OSBPL5: variants seen among roughly 807,000 people sequenced by gnomAD.
The protein encoded by OSBPL5 is oxysterol-binding protein-related protein 5.
Under a neutral mutation model 111.2 loss-of-function variants are expected in OSBPL5, and 71 were observed. The observed-to-expected ratio is 0.64, with a 90% CI of 0.53 to 0.78. The LOEUF is 0.78. Among genes scored for constraint, OSBPL5 ranks in the 30% least tolerant of loss-of-function variants. The pLI is 0.00. For synonymous variants in OSBPL5, 549 were observed against 513.9 expected, an observed-to-expected ratio of 1.07 and a Z score of -0.93; for missense variants, 1,210 against 1,189.3, an observed-to-expected ratio of 1.02 and a Z score of -0.26.
intron 7 of OSBPL5, among the ~76,000 whole-genome samples, chr11:3,111,681 C>A (rs1344890610): frequency 6.6e-6 from 1 of 152,090 alleles, no homozygotes; most frequent in Non-Finnish European, 1.5e-5. Context: ...CCCTCCCCAC[C>A]CCCACACACA....
chr11:3,115,318 A>T (rs1422520431), intron 7 of OSBPL5, among the ~76,000 whole-genome samples: 1 of 152,182 alleles, frequency 6.6e-6, no homozygotes. Context: ...AATCAAGGTT[A>T]TTCCGTCCTT....
intron 1 of OSBPL5, among the ~76,000 whole-genome samples, chr11:3,157,680 C>T (rs979584864): frequency 2.6e-5 from 4 of 152,240 alleles, no homozygotes; most frequent in African/African-American, 9.6e-5. Context: ...AAGGCGGCCC[C>T]GCCCTCGGCC....
intron 1 of OSBPL5, among the ~76,000 whole-genome samples, chr11:3,156,523 C>G (rs1846762862): frequency 6.6e-6 from 1 of 151,988 alleles, no homozygotes; most frequent in African/African-American, 2.4e-5. Flanking sequence ...AGCCTGGAAA[C>G]CCAGGATGGC....
Position 3,126,618 on chromosome 11 carries a change from C to CT in OSBPL5, c.137-64dup. 1 of 1,449,938 alleles carries CT rather than the reference C, an allele frequency of 6.9e-7. No homozygotes were observed. Among genetic ancestry groups the CT allele is most frequent in the East Asian group, 2.4e-5 (1 of 41,286 alleles). The allele number at this position is 1,449,938 out of a possible 1,614,324, so 89.8% of individuals were successfully genotyped here. ...TGGCGTGGCCAGGCTTCTCAGGCCGCTGCCTGGTGTGAGGCAGGCGAAGCG... is the reference window on the plus strand; with the variant it reads ...TGGCGTGGCCAGGCTTCTCAGGCCGCTTGCCTGGTGTGAGGCAGGCGAAGCG... On this transcript the variant is annotated intron_variant, in intron 2 of 21. Coordinates refer to ENST00000263650, the MANE Select transcript of OSBPL5 (RefSeq NM_020896.4). This position sits in a 1 kb window ranked among gnomAD's most constrained non-coding sequence, Gnocchi z 6.5.
chr11:3,111,673 C>G (rs963735004), intron 7 of OSBPL5, among the ~76,000 whole-genome samples: 4 of 151,958 alleles, frequency 2.6e-5, no homozygotes, highest in African/African-American at 9.7e-5. Flanking sequence ...CTGAATTCCC[C>G]TCCCCACCCC....
rs922792354 is a variant in OSBPL5, at chr11:3,094,401, A to ACCGACCCAGCAGCACCGATCCCTGAGTC, written c.1622-95_1622-68dup. ...TGCTGAGCCCCAGGCCCTGCTGAGT[A>ACCGACCCAGCAGCACCGATCCCTGAGTC]CCGACCCAGCAGCACCGATCCCTGA... On this transcript the variant is annotated intron_variant, in intron 14 of 21. Coordinates refer to ENST00000263650, the MANE Select transcript of OSBPL5 (RefSeq NM_020896.4). 5.4e-3 allele frequency: 7,029 copies of ACCGACCCAGCAGCACCGATCCCTGAGTC among 1,292,794 alleles called. 554 individuals are homozygous for ACCGACCCAGCAGCACCGATCCCTGAGTC. The African/African-American group carries it at 0.1, about 19-fold the overall frequency. The allele number at this position is 1,292,794 out of a possible 1,614,324, so 80.1% of individuals were successfully genotyped here. A position where few individuals can be genotyped will look rare whatever the true frequency, so the allele number is the denominator to read the frequency against.
At chr11:3,135,347 G>T (rs773458608) in intron 1 of OSBPL5, among the ~76,000 whole-genome samples, 11 of 152,244 alleles carry the variant, frequency 7.2e-5, no homozygotes, top group Non-Finnish European at 1.5e-4. Flanking sequence ...TTCGCTCATG[G>T]CTGGAAGGGG....
Position 3,120,535 on chromosome 11 carries a change from C to A in OSBPL5, c.492G>T (p.Gln164His), listed in dbSNP as rs1024079623. 6.2e-7 allele frequency: 1 copy of A among 1,613,360 alleles called. No homozygotes were observed. Among genetic ancestry groups the A allele is most frequent in the South Asian group, 1.1e-5 (1 of 91,088 alleles). ...LLIYKTPKVG[Q>H]WVGTVLLHCC... ...AGTGCAGCAGCACCGTGCCCACCCA[C>A]TGGCCCACCTTGGGCGTCTTGTAGA... The change falls in exon 6 of 22, where the codon CAG (glutamine) becomes CAT (histidine). Residue 164 changes from glutamine to histidine, a missense_variant. Physicochemically the swap from Gln to His is conservative, Grantham distance 24. Transcript: ENST00000263650.
intron 14 of OSBPL5, among the ~76,000 whole-genome samples, chr11:3,095,249 T>C (rs959259778): frequency 2.0e-5 from 3 of 147,212 alleles, no homozygotes; most frequent in African/African-American, 7.6e-5. Context: ...AGGCGGAGGT[T>C]GTAGTGAGCC....
At position 3,154,254 on chromosome 11, in the gene OSBPL5, C is replaced by T. The variant is rs1000600313; in HGVS notation, c.-22+10962G>A. ...GGATGCTGGGACCTGGAGAGCACGG[C>T]CCTGCGTGCAGCACCTGCCAGTAGG... On this transcript the variant is annotated intron_variant, in intron 1 of 21. Coordinates refer to ENST00000263650, the MANE Select transcript of OSBPL5 (RefSeq NM_020896.4). The surrounding 1 kb of genome is among the most constrained non-coding windows in gnomAD (Gnocchi z 4.9). 1.4e-4 allele frequency among the ~76,000 whole-genome samples: 21 copies of T among 152,234 alleles called. No individual in the cohort carries two copies. The highest frequency in any genetic ancestry group is 9.8e-4 in the Admixed American group (15 of 15,280).
chr11:3,111,601 T>C (rs1392235204), intron 7 of OSBPL5, among the ~76,000 whole-genome samples: 1 of 152,248 alleles, frequency 6.6e-6, no homozygotes, highest in Non-Finnish European at 1.5e-5. Context: ...CATTGACCTC[T>C]ATCTGGCTTG....
At chr11:3,116,493 T>C (rs976830458) in intron 7 of OSBPL5, among the ~76,000 whole-genome samples, 1 of 152,178 alleles carries the variant, frequency 6.6e-6, no homozygotes, top group Non-Finnish European at 1.5e-5. Context: ...TCAGGGTTCA[T>C]GGAGAGCTGA....
chr11:3,123,909 C>T (rs569069371), intron 3 of OSBPL5, among the ~76,000 whole-genome samples: 7 of 152,328 alleles, frequency 4.6e-5, no homozygotes, highest in African/African-American at 1.2e-4. Flanking sequence ...AACCGTTCCA[C>T]GGACTGGCGG....
rs749436104 is a variant in OSBPL5, at chr11:3,101,609, A to G, written c.1516T>C (p.Phe506Leu). Residue 506 changes from phenylalanine to leucine, a missense_variant, in exon 13 of 22, where the codon TTT becomes CTT. Coordinates refer to ENST00000263650, the MANE Select transcript of OSBPL5 (RefSeq NM_020896.4). ...ISGSITAKSRFYGNSLSALLD... is the reference protein window; with the variant it reads ...ISGSITAKSRLYGNSLSALLD... ...CCCAGGGTGACCCCCTCACCATAAAACCTGGACTTGGCTGTGATGCTGCCA... is the reference window on the plus strand; with the variant it reads ...CCCAGGGTGACCCCCTCACCATAAAGCCTGGACTTGGCTGTGATGCTGCCA... 39 of 1,613,278 alleles carry G rather than the reference A, an allele frequency of 2.4e-5. No homozygotes were observed. The South Asian group carries it at 4.2e-4, about 17-fold the overall frequency.
At position 3,097,105 on chromosome 11, in the gene OSBPL5, GGGA is replaced by G. The variant is rs200645053; in HGVS notation, c.1622-2774_1622-2772del. The stretch of plus-strand genomic sequence containing the variant: ...GGAGAAGAGGAAAGAGGGGGAAGAT[GGGA>G]GGAGGAGGAGAGGAAAGAAGGGGAA... On this transcript the variant is annotated intron_variant, in intron 14 of 21. Coordinates refer to ENST00000263650, the MANE Select transcript of OSBPL5 (RefSeq NM_020896.4). Among the ~76,000 whole-genome samples the G allele has an allele frequency of 7.5e-3, 282 of 37,530 alleles. 1 individual carries two copies. The highest frequency in any genetic ancestry group is 0.014 in the Middle Eastern group (1 of 72). The allele number at this position is 37,530 out of a possible 152,430, so 24.6% of individuals were successfully genotyped here.
At chr11:3,089,380 AGGAAGGGGCCATGT>A (rs1187435149) in intron 21 of OSBPL5, among the ~76,000 whole-genome samples, 1 of 152,200 alleles carries the variant, frequency 6.6e-6, no homozygotes, top group Non-Finnish European at 1.5e-5. Flanking sequence ...ATCTGCTGAC[AGGAAGGGGCCATGT>A]GGCCCTGGTG....
In OSBPL5 at chr11:3,092,567, T is replaced by C; in HGVS notation, c.2133-9A>G. 1 of 1,578,848 alleles carries C rather than the reference T, an allele frequency of 6.3e-7. No individual in the cohort carries two copies. Among genetic ancestry groups the C allele is most frequent in the African/African-American group, 1.3e-5 (1 of 74,314 alleles). On this transcript the variant is annotated splice_polypyrimidine_tract_variant and intron_variant, in intron 18 of 21. Coordinates refer to ENST00000263650, the MANE Select transcript of OSBPL5 (RefSeq NM_020896.4). The surrounding 1 kb of genome is among the most constrained non-coding windows in gnomAD (Gnocchi z 5.4). ...GGTCCCAGGGGCTGTGGCTGGAGGG[T>C]CCAGAGGGCGTTCATCAGCACAGGC... is the stretch of plus-strand genomic sequence containing the variant.
rs993297428 is a variant in OSBPL5 at position 3,109,790 on chromosome 11, C to T, written c.692-1845G>A. Among the ~76,000 whole-genome samples, 10 of 152,160 alleles carry T rather than the reference C, an allele frequency of 6.6e-5. No homozygotes were observed. The highest frequency in any genetic ancestry group is 1.9e-4 in the East Asian group (1 of 5,192). On this transcript the variant is annotated intron_variant, in intron 7 of 21. Coordinates refer to ENST00000263650, the MANE Select transcript of OSBPL5 (RefSeq NM_020896.4). The surrounding 1 kb of genome is among the most constrained non-coding windows in gnomAD (Gnocchi z 7.4). ...CCGAGTTGGCCCCAGGGCCTGAACA[C>T]GTGTGCTTTGTAGCTGCCACAAAGG... is the stretch of plus-strand genomic sequence containing the variant.
At chr11:3,112,298 G>A (rs929881859) in intron 7 of OSBPL5, among the ~76,000 whole-genome samples, 1 of 152,086 alleles carries the variant, frequency 6.6e-6, no homozygotes, top group African/African-American at 2.4e-5. Context: ...CCGCATGGGG[G>A]ACCTAAAATA....
Sources: allele counts gnomAD v4.1 joint callset (sites outside exome capture counted in the v4.1 genomes callset), GRCh38; gene constraint gnomAD v4.1.1; non-coding constraint Gnocchi (gnomAD v3.1); transcripts MANE v1.5; gene names NCBI Gene and HGNC (gene_info 2026-07-23, HGNC 2026-07-21).